TIAM1: variants seen among roughly 807,000 people sequenced by gnomAD.
The protein encoded by TIAM1 is rho guanine nucleotide exchange factor TIAM1.
In TIAM1, 65 loss-of-function variants were observed where a neutral mutation model predicts 163.5. That is an observed-to-expected ratio of 0.40 (90% CI 0.33 to 0.49). The LOEUF is 0.49. Among genes scored for constraint, TIAM1 ranks in the 20% least tolerant of loss-of-function variants. The probability of loss-of-function intolerance (pLI) is 0.77; values close to 1 mark genes in which losing one functional copy is unlikely to be tolerated. For missense variants in TIAM1, 1,789 were observed against 2,044.7 expected (o/e 0.87, Z 2.41); for synonymous variants, 833 against 810.1 (o/e 1.03, Z -0.48).
chr21:31,490,920 A>T (rs1322338092), intron 1 of TIAM1, among the ~76,000 whole-genome samples: 1 of 152,200 alleles, frequency 6.6e-6, no homozygotes, highest in East Asian at 1.9e-4. Context: ...AGGTCTGGAG[A>T]TCCAGACCAG....
chr21:31,264,104 C>CTTGGTT (rs1427169746), intron 4 of TIAM1, among the ~76,000 whole-genome samples: 2 of 152,126 alleles, frequency 1.3e-5, no homozygotes, highest in Non-Finnish European at 2.9e-5. Context: ...TTGGTAGCAA[C>CTTGGTT]TTGGTTTCTA....
chr21:31,264,501 C>T lies in TIAM1; in HGVS notation c.963+1509G>A, dbSNP rs184932118. On this transcript the variant is annotated intron_variant, in intron 4 of 27. Coordinates refer to ENST00000541036, the MANE Select transcript of TIAM1 (RefSeq NM_001353694.2). ...TACTTTCTCAAAAAACCTTATTACC[C>T]CCATTTGACAGATGAAGAAATTAAG... Among the ~76,000 whole-genome samples, 11 of 152,264 alleles carry T rather than the reference C, an allele frequency of 7.2e-5. No individual in the cohort carries two copies. In the East Asian group the frequency reaches 2.1e-3, roughly 29 times the overall value.
chr21:31,458,765 G>A (rs1318446709), intron 2 of TIAM1, among the ~76,000 whole-genome samples: 3 of 152,114 alleles, frequency 2.0e-5, no homozygotes, highest in African/African-American at 2.4e-5. Flanking sequence ...GGGGAGGGAG[G>A]GGTCTGGGGA....
chr21:31,522,707 G>GT (rs1180494196), intron 1 of TIAM1, among the ~76,000 whole-genome samples: 1 of 152,122 alleles, frequency 6.6e-6, no homozygotes, highest in African/African-American at 2.4e-5. Context: ...CACAACACTT[G>GT]TAAGGCCCAT....
intron 2 of TIAM1, among the ~76,000 whole-genome samples, chr21:31,305,985 C>G (rs1339819139): frequency 2.0e-5 from 3 of 152,104 alleles, no homozygotes; most frequent in Non-Finnish European, 4.4e-5. Context: ...ACAATCCAGG[C>G]AGAGCACAGG....
At chr21:31,531,023 G>T (rs538003237) in intron 1 of TIAM1, among the ~76,000 whole-genome samples, 12 of 152,202 alleles carry the variant, frequency 7.9e-5, no homozygotes, top group Admixed American at 4.6e-4. Context: ...ATGGCGGCTT[G>T]TACTTTTCCA....
Position 31,395,327 on chromosome 21 carries a change from A to C in TIAM1, c.-368-55905T>G, listed in dbSNP as rs1180444119. Among the ~76,000 whole-genome samples, 1 of 152,036 alleles carries C rather than the reference A, an allele frequency of 6.6e-6. No individual in the cohort carries two copies. The highest frequency in any genetic ancestry group is 1.5e-5 in the Non-Finnish European group (1 of 67,988). On this transcript the variant is annotated intron_variant, in intron 2 of 28. Transcript: ENST00000286827. This position sits in a 1 kb window ranked among gnomAD's most constrained non-coding sequence, Gnocchi z 7.5. ...CTACGTCTCAGGGGGCTACTTCTAG[A>C]GAAGTGACAAATGGCCCCACACACA... is the stretch of plus-strand genomic sequence containing the variant.
rs1242468100 is a variant in TIAM1 at position 31,210,711 on chromosome 21, GA to G, written c.2218-497del. ...AAAGAAAGAAAGAAAGAAAGAGAAAGAAAGAGAAAGAAAGAAAGAGAAAGAA... is the reference window on the plus strand; with the variant it reads ...AAAGAAAGAAAGAAAGAAAGAGAAAGAAGAGAAAGAAAGAAAGAGAAAGAA... On this transcript the variant is annotated intron_variant, in intron 10 of 27. Transcript: ENST00000541036. Among the ~76,000 whole-genome samples, 646 of 105,586 alleles carry G rather than the reference GA, an allele frequency of 6.1e-3. 18 individuals carry two copies. Among genetic ancestry groups the G allele is most frequent in the East Asian group, 0.021 (71 of 3,432 alleles). The allele number at this position is 105,586 out of a possible 152,430, so 69.3% of individuals were successfully genotyped here.
intron 1 of TIAM1, among the ~76,000 whole-genome samples, chr21:31,469,079 C>CTT (rs765505214): frequency 0.027 from 2,978 of 110,838 alleles, 147 homozygotes; most frequent in African/African-American, 0.089. Context: ...GAACCAATCC[C>CTT]TTTTTTTTTT....
chr21:31,333,638 CTTTA>C (rs2075750218), intron 2 of TIAM1, among the ~76,000 whole-genome samples: 1 of 152,170 alleles, frequency 6.6e-6, no homozygotes, highest in African/African-American at 2.4e-5. Flanking sequence ...TGAGCCCTCA[CTTTA>C]TTGCCCAGGC....
intron 20 of TIAM1, among the ~76,000 whole-genome samples, chr21:31,142,377 GGAGGCA>G (rs2082885088): frequency 6.6e-6 from 1 of 151,334 alleles, no homozygotes; most frequent in Admixed American, 6.6e-5. Flanking sequence ...TAGCAGTTTG[GGAGGCA>G]GAGGCGAGCG....
intron 14 of TIAM1, among the ~76,000 whole-genome samples, chr21:31,185,493 A>G (rs1174442632): frequency 1.4e-5 from 2 of 143,916 alleles, no homozygotes; most frequent in South Asian, 2.1e-4. Flanking sequence ...TTTATATATT[A>G]TATGCTTATA....
chr21:31,280,026 G>T (rs558543628), intron 2 of TIAM1, among the ~76,000 whole-genome samples: 1 of 150,466 alleles, frequency 6.6e-6, no homozygotes, highest in African/African-American at 2.5e-5. Context: ...ACACACACGC[G>T]TGCGCGCACA....
intron 2 of TIAM1, among the ~76,000 whole-genome samples, chr21:31,428,616 C>G (rs1365022463): frequency 6.6e-6 from 1 of 152,156 alleles, no homozygotes; most frequent in East Asian, 1.9e-4. Context: ...GGCACAGTGG[C>G]TCATGCCTGT....
At chr21:31,529,149 G>C (rs989134994) in intron 1 of TIAM1, among the ~76,000 whole-genome samples, 10 of 151,760 alleles carry the variant, frequency 6.6e-5, no homozygotes, top group African/African-American at 2.2e-4. Context: ...TCGATCTCCT[G>C]ACCTCCTGAT....
At position 31,210,117 on chromosome 21, in the gene TIAM1, G is replaced by A. The variant is rs376685226; in HGVS notation, c.2316C>T (p.Pro772=). 1.4e-5 allele frequency: 23 copies of A among 1,614,148 alleles called. No individual in the cohort carries two copies. The highest frequency in any genetic ancestry group is 1.9e-5 in the Non-Finnish European group (23 of 1,180,032). The change falls in exon 11 of 28, where the codon CCC becomes CCT. Residue 772 remains proline, a synonymous_variant. Transcript: ENST00000541036. ...EYFTPSWFCL[P]NNQPALTVVR... ...CGACCGTCAGGGCAGGCTGATTATT[G>A]GGCAGACAGAACCAGGATGGAGTGA... is the stretch of plus-strand genomic sequence containing the variant.
At chr21:31,214,241 C>T (rs2087046786) in intron 9 of TIAM1, among the ~76,000 whole-genome samples, 1 of 151,996 alleles carries the variant, frequency 6.6e-6, no homozygotes, top group African/African-American at 2.4e-5. Context: ...GGGAGGATCA[C>T]TTGTGCCCTG....
At position 31,409,553 on chromosome 21, in the gene TIAM1, G is replaced by T. The variant is rs199994184; in HGVS notation, c.-369+54430C>A. ...TCCGCACACCGACTTCCTGCTCCTTGGATGCCAAGCACACAGGACTCCATG... is the reference window on the plus strand; with the variant it reads ...TCCGCACACCGACTTCCTGCTCCTTTGATGCCAAGCACACAGGACTCCATG... On this transcript the variant is annotated intron_variant, in intron 2 of 28. Transcript: ENST00000286827. 3.3e-5 allele frequency among the ~76,000 whole-genome samples: 5 copies of T among 152,214 alleles called. No homozygotes were observed. The East Asian group carries it at 9.7e-4, about 29-fold the overall frequency.
intron 1 of TIAM1, among the ~76,000 whole-genome samples, chr21:31,497,280 G>A (rs543224605): frequency 6.6e-6 from 1 of 152,330 alleles, no homozygotes; most frequent in South Asian, 2.1e-4. Flanking sequence ...GCATAACTGT[G>A]TATGAAAGTT....
Sources: allele counts gnomAD v4.1 joint callset (sites outside exome capture counted in the v4.1 genomes callset), GRCh38; gene constraint gnomAD v4.1.1; non-coding constraint Gnocchi (gnomAD v3.1); transcripts MANE v1.5; gene names NCBI Gene and HGNC (gene_info 2026-07-23, HGNC 2026-07-21).